The following IRAK2 variants were observed in gnomAD, a reference collection of about 807,000 sequenced individuals.
IRAK2 encodes interleukin-1 receptor-associated kinase-like 2.
A neutral mutation model predicts 72.0 loss-of-function variants in IRAK2; 57 were observed. That is an observed-to-expected ratio of 0.79 (90% CI 0.64 to 0.99). The LOEUF is 0.99. Ranked by LOEUF, IRAK2 falls within the 50% of genes least tolerant of loss-of-function variation. IRAK2 has a pLI of 0.00. For synonymous variants in IRAK2, 293 were observed against 312.7 expected (o/e 0.94, Z 0.67); for missense variants, 790 against 794.4 (o/e 0.99, Z 0.07).
At chr3:10,227,908 A>G (rs1697805583) in intron 10 of IRAK2, among the ~76,000 whole-genome samples, 1 of 151,926 alleles carries the variant, frequency 6.6e-6, no homozygotes, top group African/African-American at 2.4e-5. Flanking sequence ...TGACCTCGTG[A>G]TCCGCCCGCC....
At chr3:10,239,635 G>A (rs1236745781) in intron 12 of IRAK2, among the ~76,000 whole-genome samples, 1 of 152,072 alleles carries the variant, frequency 6.6e-6, no homozygotes, top group Non-Finnish European at 1.5e-5. Flanking sequence ...GCTGAGGCAA[G>A]AGAATTGCTT....
chr3:10,182,214 C>T (rs527416766), intron 2 of IRAK2, among the ~76,000 whole-genome samples: 1 of 151,986 alleles, frequency 6.6e-6, no homozygotes, highest in African/African-American at 2.4e-5. Context: ...GGTGATCCAC[C>T]GGCCTTGGCC....
intron 6 of IRAK2, among the ~76,000 whole-genome samples, chr3:10,214,698 G>C (rs811903): frequency 2.0e-5 from 3 of 151,998 alleles, no homozygotes; most frequent in African/African-American, 7.2e-5. Context: ...TGTAATCCTA[G>C]AACTTTGATG....
intron 2 of IRAK2, among the ~76,000 whole-genome samples, chr3:10,180,195 C>A (rs1350530252): frequency 6.6e-6 from 1 of 152,046 alleles, no homozygotes; most frequent in Non-Finnish European, 1.5e-5. Flanking sequence ...TTACCCCCAC[C>A]CCTCCTCACA....
intron 1 of IRAK2, 87 bp downstream of exon 1, chr3:10,165,135 C>T (rs1370875368): frequency 5.1e-6 from 6 of 1,168,646 alleles, no homozygotes; most frequent in Admixed American, 4.1e-5. Context: ...CTCCCTCGGG[C>T]ACCCGGGTTC....
chr3:10,184,598 C>A, intron 2 of IRAK2, among the ~76,000 whole-genome samples: 1 of 149,112 alleles, frequency 6.7e-6, no homozygotes, highest in Non-Finnish European at 1.5e-5. Context: ...AACAGGAAGC[C>A]ACAATAAAAA....
intron 2 of IRAK2, among the ~76,000 whole-genome samples, chr3:10,199,910 CAG>C (rs1387590528): frequency 2.1e-4 from 28 of 130,264 alleles, no homozygotes; most frequent in Non-Finnish European, 3.7e-4. Flanking sequence ...TTTTTTGAGA[CAG>C]AGTCTTGCTC....
At position 10,217,042 on chromosome 3, in the gene IRAK2, GGGTCA is replaced by G; in HGVS notation, c.901_903+2del. The G allele has an allele frequency of 1.2e-6, 2 of 1,610,044 alleles. No homozygotes were observed. The highest frequency in any genetic ancestry group is 1.7e-6 in the Non-Finnish European group (2 of 1,176,302). ...ATGGTTCCCTACAGGACAGACTGCA[GGGTCA>G]GGTAAGGGACTGGGTCATGGTCAGA... On this transcript the variant is annotated frameshift_variant and splice_region_variant, in exon 7 of 13. Coordinates refer to ENST00000256458, the MANE Select transcript of IRAK2 (RefSeq NM_001570.4). LOFTEE classifies it high-confidence loss of function.
intron 3 of IRAK2, among the ~76,000 whole-genome samples, chr3:10,202,395 G>A (rs891092142): frequency 3.3e-5 from 5 of 152,074 alleles, no homozygotes; most frequent in South Asian, 2.1e-4. Context: ...AGGCTGAGGC[G>A]GGTGGATCAC....
chr3:10,185,431 C>G (rs1355349785), intron 2 of IRAK2, among the ~76,000 whole-genome samples: 1 of 150,428 alleles, frequency 6.6e-6, no homozygotes, highest in African/African-American at 2.5e-5. Context: ...GTGGTGCATG[C>G]CTGTAATCCC....
At chr3:10,237,929 C>CTGTGTGTGTGTGTGTGTGTG (rs138639711) in intron 11 of IRAK2, among the ~76,000 whole-genome samples, 1 of 138,250 alleles carries the variant, frequency 7.2e-6, no homozygotes, top group Non-Finnish European at 1.5e-5. Context: ...TATGTGTGCT[C>CTGTGTGTGTGTGTGTGTGTG]TGTGTGTGTG....
rs372700621 is a variant in IRAK2, at chr3:10,213,238, A to G, written c.560A>G (p.Lys187Arg). The G allele has an allele frequency of 3.7e-6, 6 of 1,614,096 alleles. No homozygotes were observed. Among genetic ancestry groups the G allele is most frequent in the Non-Finnish European group, 5.1e-6 (6 of 1,180,012 alleles). ...DFSTSIPKQEKLLSLAGDSLF... is the reference protein window; with the variant it reads ...DFSTSIPKQERLLSLAGDSLF... Reference sequence around the variant, plus strand: ...AGCACCTCCATTCCTAAGCAGGAAAAACTTTTGAGCTTGGCTGGAGACAGC... The same window carrying G: ...AGCACCTCCATTCCTAAGCAGGAAAGACTTTTGAGCTTGGCTGGAGACAGC... Residue 187 changes from lysine (K) to arginine (R), a missense_variant, in exon 5 of 13, where the codon AAA becomes AGA. Coordinates refer to ENST00000256458, the MANE Select transcript of IRAK2 (RefSeq NM_001570.4).
At chr3:10,192,586 T>C (rs1241999200) in intron 2 of IRAK2, among the ~76,000 whole-genome samples, 2 of 152,188 alleles carry the variant, frequency 1.3e-5, no homozygotes, top group Admixed American at 1.3e-4. Context: ...CCCAGAGCTG[T>C]TACCTGAATT....
chr3:10,240,101 C>A, intron 12 of IRAK2, among the ~76,000 whole-genome samples: 1 of 137,264 alleles, frequency 7.3e-6, no homozygotes, highest in Non-Finnish European at 1.5e-5. Flanking sequence ...GAGCCGAGGT[C>A]GTGCCATTTC....
At chr3:10,184,822 C>G (rs567217010) in intron 2 of IRAK2, among the ~76,000 whole-genome samples, 2 of 149,950 alleles carry the variant, frequency 1.3e-5, no homozygotes, top group Admixed American at 6.6e-5. Flanking sequence ...CTCCGCCTCC[C>G]AGGTTCACGC....
chr3:10,177,629 G>A (rs888972550), intron 1 of IRAK2, among the ~76,000 whole-genome samples: 4 of 152,200 alleles, frequency 2.6e-5, no homozygotes, highest in Non-Finnish European at 5.9e-5. Context: ...TTTCTCCTAA[G>A]TCATATGTAC....
Position 10,165,057 on chromosome 3 carries a change from G to C in IRAK2, c.94+9G>C. On this transcript the variant is annotated intron_variant, in intron 1 of 12. Coordinates refer to ENST00000256458, the MANE Select transcript of IRAK2 (RefSeq NM_001570.4). The stretch of plus-strand genomic sequence containing the variant: ...GGACTGGATGGAGTTCGGTGAGTGC[G>C]GCCCGGGGAGGGGAGGGGACCAGGG... 6.2e-7 allele frequency: 1 copy of C among 1,605,100 alleles called. No individual in the cohort carries two copies. The highest frequency in any genetic ancestry group is 8.5e-7 in the Non-Finnish European group (1 of 1,176,222).
In IRAK2 at chr3:10,213,541, T is replaced by C. The variant is rs201567088; in HGVS notation, c.781T>C (p.Cys261Arg). The change falls in exon 6 of 13, where the codon TGT (cysteine) becomes CGT (arginine). Residue 261 changes from cysteine (C) to arginine (R), a missense_variant. Transcript: ENST00000256458. ...ERFFQAELQI[C>R]LRCCHPNVLP... ...ATTCTTCCAGGCAGAGTTGCAGATT[T>C]GTCTTAGGTAAGCCTCCCCTTTGTT... 101 of 1,613,764 alleles carry C rather than the reference T, an allele frequency of 6.3e-5. No individual in the cohort carries two copies. In the African/African-American group the frequency reaches 1.2e-3, roughly 20 times the overall value.
intron 2 of IRAK2, among the ~76,000 whole-genome samples, chr3:10,190,692 T>C (rs563702506): frequency 6.6e-6 from 1 of 152,308 alleles, no homozygotes; most frequent in South Asian, 2.1e-4. Context: ...GCTTAGCTCT[T>C]ACAACTAGTC....
Sources: gnomAD v4.1 joint callset for allele counts (sites outside exome capture counted in the v4.1 genomes callset) on GRCh38, gnomAD v4.1.1 for gene constraint, MANE v1.5 for transcripts, NCBI Gene and HGNC (gene_info 2026-07-23, HGNC 2026-07-21) for gene names.